ATP1A4: variants seen among roughly 807,000 people sequenced by gnomAD.
ATP1A4 encodes the protein sodium/potassium-transporting ATPase subunit alpha-4.
ATP1A4 carries 90 observed loss-of-function variants against 114.3 expected under a neutral mutation model. That is an observed-to-expected ratio of 0.79 (90% CI 0.66 to 0.94). The LOEUF (loss-of-function observed/expected upper bound fraction) is 0.94. Among genes scored for constraint, ATP1A4 ranks in the 40% least tolerant of loss-of-function variants. The pLI is 0.00. For synonymous variants in ATP1A4, 511 were observed against 494.1 expected (o/e 1.03, Z -0.45); for missense variants, 1,222 against 1,313.6 (o/e 0.93, Z 1.08).
Position 160,159,003 on chromosome 1 carries a change from A to G in ATP1A4, c.527A>G (p.Gln176Arg), listed in dbSNP as rs770438835. 6.2e-7 allele frequency: 1 copy of G among 1,613,622 alleles called. No individual in the cohort carries two copies. The highest frequency in any genetic ancestry group is 1.3e-5 in the African/African-American group (1 of 74,916). Reference protein sequence around the residue: ...MESFKNMVPQQALVIRGGEKM... With the variant: ...MESFKNMVPQRALVIRGGEKM... ...TGATCCTGCACTATCCTCTCATAGC[A>G]AGCTCTGGTAATTCGAGGAGGAGAG... The change falls in exon 5 of 22, where the codon CAA (glutamine) becomes CGA (arginine). Residue 176 changes from glutamine (Q) to arginine (R), a missense_variant and splice_region_variant. Coordinates refer to ENST00000368081, the MANE Select transcript of ATP1A4 (RefSeq NM_144699.4).
intron 8 of ATP1A4, 78 bp downstream of exon 8, chr1:160,166,804 C>A: frequency 6.3e-7 from 1 of 1,581,494 alleles, no homozygotes; most frequent in South Asian, 1.1e-5. Flanking sequence ...AATGGTGAGT[C>A]CAGACAGACA....
intron 7 of ATP1A4, among the ~76,000 whole-genome samples, chr1:160,164,712 C>T (rs971132199): frequency 1.3e-5 from 2 of 152,164 alleles, no homozygotes; most frequent in African/African-American, 4.8e-5. Flanking sequence ...CTTAACATCT[C>T]CAGACCTCAA....
In ATP1A4 at chr1:160,159,647, A is replaced by C. The variant is rs1652800988; in HGVS notation, c.778+121A>C. On this transcript the variant is annotated intron_variant, in intron 6 of 21. Coordinates refer to ENST00000368081, the MANE Select transcript of ATP1A4 (RefSeq NM_144699.4). ...AGCCAGTAAAAAGTCGAGCTTCTCC[A>C]TCACGAGCTGTATGACCTCTGGTGA... The C allele has an allele frequency of 3.0e-5, 24 of 811,758 alleles. No individual in the cohort carries two copies. The South Asian group carries it at 4.0e-4, about 14-fold the overall frequency. The allele number at this position is 811,758 out of a possible 1,614,324, so 50.3% of individuals were successfully genotyped here. A position where few individuals can be genotyped will look rare whatever the true frequency, so the allele number is the denominator to read the frequency against.
intron 18 of ATP1A4, 134 bp downstream of exon 18, chr1:160,177,798 C>T: frequency 7.5e-6 from 7 of 939,408 alleles, no homozygotes; most frequent in Non-Finnish European, 1.1e-5. Flanking sequence ...TTCTTCAGTC[C>T]TGTATGAGCC....
Position 160,151,907 on chromosome 1 carries a change from C to G in ATP1A4, c.-134C>G. ...CACCTCCCTCCCTGCCTCTTTCTTT[C>G]TGCTCCCTCATTCTCTCCCCACCAC... On this transcript the variant is annotated 5_prime_UTR_variant, in exon 1 of 22. Transcript: ENST00000368081. The G allele has an allele frequency of 1.0e-6, 1 of 1,004,354 alleles. No individual in the cohort carries two copies. Among genetic ancestry groups the G allele is most frequent in the Non-Finnish European group, 1.4e-6 (1 of 705,072 alleles). The allele number at this position is 1,004,354 out of a possible 1,614,324, so 62.2% of individuals were successfully genotyped here.
chr1:160,172,370 T>C (rs1653296238), intron 12 of ATP1A4, among the ~76,000 whole-genome samples: 1 of 152,152 alleles, frequency 6.6e-6, no homozygotes, highest in Admixed American at 6.5e-5. Context: ...TATTGAGAGC[T>C]GAAGGATCTT....
chr1:160,176,526 G>A lies in ATP1A4; in HGVS notation c.2514G>A (p.Met838Ile). The A allele has an allele frequency of 6.2e-7, 1 of 1,614,186 alleles. No homozygotes were observed. Among genetic ancestry groups the A allele is most frequent in the Non-Finnish European group, 8.5e-7 (1 of 1,180,044 alleles). Reference sequence around the variant, plus strand: ...ATGAGTCAGCTGAAAGCGACATCATGAAGAGGCTTCCAAGGAACCCAAAGA... The same window carrying A: ...ATGAGTCAGCTGAAAGCGACATCATAAAGAGGCTTCCAAGGAACCCAAAGA... ...LAYESAESDI[M>I]KRLPRNPKTD... The change falls in exon 17 of 22, where the codon ATG (methionine) becomes ATA (isoleucine). Residue 838 changes from methionine to isoleucine, a missense_variant. By Grantham distance (10) the Met-to-Ile change is conservative. Coordinates refer to ENST00000368081, the MANE Select transcript of ATP1A4 (RefSeq NM_144699.4).
chr1:160,169,697 C>T (rs1054361800), intron 10 of ATP1A4: 1 of 152,190 alleles, frequency 6.6e-6, no homozygotes, highest in African/African-American at 2.4e-5. Context: ...ATTTCCTGTC[C>T]ATCACAAGAG....
intron 4 of ATP1A4, among the ~76,000 whole-genome samples, chr1:160,158,740 C>T (rs567278799): frequency 2.6e-5 from 4 of 152,132 alleles, no homozygotes; most frequent in Non-Finnish European, 4.4e-5. Context: ...AAGCAAGTCA[C>T]GTGGTCAAGC....
intron 18 of ATP1A4, among the ~76,000 whole-genome samples, chr1:160,180,409 TTC>T (rs1400128201): frequency 6.6e-6 from 1 of 152,214 alleles, no homozygotes; most frequent in African/African-American, 2.4e-5. Flanking sequence ...CAGAAGCTTT[TTC>T]TCTCCAGTCT....
intron 1 of ATP1A4, 45 bp downstream of exon 1, chr1:160,152,232 A>C (rs1418190018): frequency 1.9e-6 from 3 of 1,589,580 alleles, no homozygotes; most frequent in Non-Finnish European, 2.6e-6. Flanking sequence ...CTCTGAAAAC[A>C]CTCCTCCACC....
Position 160,186,305 on chromosome 1 carries a change from A to G in ATP1A4, c.2999A>G (p.Tyr1000Cys), listed in dbSNP as rs1653891351. The G allele has an allele frequency of 6.2e-7, 1 of 1,613,220 alleles. No individual in the cohort carries two copies. Among genetic ancestry groups the G allele is most frequent in the South Asian group, 1.1e-5 (1 of 91,058 alleles). Reference protein sequence around the residue: ...KITWWLCAIPYSILIFVYDEI... With the variant: ...KITWWLCAIPCSILIFVYDEI... ...ACCTGGTGGCTCTGTGCCATTCCCT[A>G]CAGTATTCTCATCTTCGTCTATGAT... The change falls in exon 21 of 22, where the codon TAC (tyrosine) becomes TGC (cysteine). Residue 1000 changes from tyrosine to cysteine, a missense_variant. Physicochemically the swap from Tyr to Cys is radical, Grantham distance 194 (BLOSUM62 -2). Coordinates refer to ENST00000368081, the MANE Select transcript of ATP1A4 (RefSeq NM_144699.4).
At chr1:160,185,667 T>C (rs575407185) in intron 20 of ATP1A4, among the ~76,000 whole-genome samples, 195 of 151,522 alleles carry the variant, frequency 1.3e-3, no homozygotes, top group African/African-American at 4.5e-3. Flanking sequence ...ACACTTATAA[T>C]CCCAGCACTC....
At chr1:160,156,563 G>T (rs1325126593) in intron 4 of ATP1A4, among the ~76,000 whole-genome samples, 1 of 152,106 alleles carries the variant, frequency 6.6e-6, no homozygotes, top group East Asian at 1.9e-4. Flanking sequence ...AACAGACCAG[G>T]CATAGTGGCT....
At chr1:160,166,487 C>A (rs1431759669) in intron 7 of ATP1A4, 41 bp from the exon 8 acceptor site, 2 of 1,606,086 alleles carry the variant, frequency 1.2e-6, no homozygotes, top group Admixed American at 3.4e-5. Context: ...TGTGAGTATT[C>A]CATCTCCCAT....
At chr1:160,162,243 A>G (rs1461279708) in intron 6 of ATP1A4, among the ~76,000 whole-genome samples, 3 of 152,182 alleles carry the variant, frequency 2.0e-5, no homozygotes, top group Non-Finnish European at 4.4e-5. Context: ...TCTGACTCTG[A>G]TTTCAATGGT....
intron 20 of ATP1A4, among the ~76,000 whole-genome samples, chr1:160,184,739 A>AT (rs1279646137): frequency 6.6e-6 from 1 of 152,130 alleles, no homozygotes; most frequent in African/African-American, 2.4e-5. Context: ...CTCACATTAT[A>AT]TTTCTATTGG....
At chr1:160,159,627 G>A in intron 6 of ATP1A4, 101 bp downstream of exon 6, 2 of 1,045,128 alleles carry the variant, frequency 1.9e-6, no homozygotes, top group Non-Finnish European at 1.4e-6. Context: ...GTAAGAGCCA[G>A]TAAAAAGTCG....
chr1:160,160,146 A>G (rs900713683), intron 6 of ATP1A4, among the ~76,000 whole-genome samples: 3 of 152,214 alleles, frequency 2.0e-5, no homozygotes, highest in Non-Finnish European at 4.4e-5. Context: ...TGAAGACTCC[A>G]TGGAGCACAC....
Sources: gnomAD v4.1 joint callset for allele counts (sites outside exome capture counted in the v4.1 genomes callset) on GRCh38, gnomAD v4.1.1 for gene constraint, MANE v1.5 for transcripts, NCBI Gene and HGNC (gene_info 2026-07-23, HGNC 2026-07-21) for gene names.